HLA-DRA: variants seen among roughly 807,000 people sequenced by gnomAD.
HLA-DRA encodes the protein HLA class II histocompatibility antigen, DR alpha chain.
Under a neutral mutation model 22.1 loss-of-function variants are expected in HLA-DRA, and 8 were observed. The ratio of observed to expected loss-of-function variants is 0.36; its 90% confidence interval spans 0.21 to 0.65. The LOEUF (loss-of-function observed/expected upper bound fraction) is 0.65. HLA-DRA is among the 30% of genes least tolerant of loss of function. The pLI is 0.63. For missense variants in HLA-DRA, 248 were observed against 321.3 expected, an observed-to-expected ratio of 0.77 and a Z score of 1.74; for synonymous variants, 101 against 117.1, an observed-to-expected ratio of 0.86 and a Z score of 0.89.
chr6:32,443,975 A>G (rs1762783119), intron 4 of HLA-DRA, 54 bp downstream of exon 4: 26 of 1,327,988 alleles, frequency 2.0e-5, no homozygotes, highest in Non-Finnish European at 2.5e-5. Context: ...GAGGGAGGAA[A>G]ACAGGGTGGG....
rs879138868 is a variant in HLA-DRA at position 32,443,469 on chromosome 6, A to G, written c.610+3A>G. Reference sequence around the variant, plus strand: ...TGAGCCTCTTCTCAAGCACTGGGGTATGGACCAACACTCAATCTCCTTTAT... The same window carrying G: ...TGAGCCTCTTCTCAAGCACTGGGGTGTGGACCAACACTCAATCTCCTTTAT... On this transcript the variant is annotated splice_donor_region_variant and intron_variant, in intron 3 of 4. Transcript: ENST00000395388. 1 of 1,610,880 alleles carries G rather than the reference A, an allele frequency of 6.2e-7. No individual in the cohort carries two copies. Among genetic ancestry groups the G allele is most frequent in the Non-Finnish European group, 8.5e-7 (1 of 1,178,118 alleles).
intron 2 of HLA-DRA, 64 bp from the exon 3 acceptor site, chr6:32,443,121 A>G: frequency 7.2e-7 from 1 of 1,397,900 alleles, no homozygotes; most frequent in Non-Finnish European, 1.0e-6. Flanking sequence ...TGAGCATGGG[A>G]GGGAGAGGGG....
intron 1 of HLA-DRA, among the ~76,000 whole-genome samples, chr6:32,440,959 T>A (rs1235258396): frequency 6.6e-6 from 1 of 152,228 alleles, no homozygotes; most frequent in African/African-American, 2.4e-5. Flanking sequence ...AGACAGAGGA[T>A]CTTCCCTTGG....
rs1762835035 is a variant in HLA-DRA, at chr6:32,444,916, T to C, written c.*276T>C. 6.5e-6 allele frequency: 1 copy of C among 154,352 alleles called. No individual in the cohort carries two copies. The highest frequency in any genetic ancestry group is 2.4e-5 in the African/African-American group (1 of 41,510). 9.6% of individuals were successfully genotyped at this position (154,352 alleles called of 1,614,324 possible). On this transcript the variant is annotated 3_prime_UTR_variant, in exon 5 of 5. Coordinates refer to ENST00000395388, the MANE Select transcript of HLA-DRA (RefSeq NM_019111.5). ...TTATCACCATGCAATGCCTCTGGAA[T>C]AAAACATACAGGAGTCTGTCTCTGC...
intron 4 of HLA-DRA, 79 bp from the exon 5 acceptor site, chr6:32,444,573 A>G (rs1762815940): frequency 6.6e-6 from 1 of 152,212 alleles, no homozygotes; most frequent in Non-Finnish European, 1.5e-5. Context: ...AAGGATTAAG[A>G]GAGAAGAGGA....
chr6:32,444,612 GA>G (rs1762818023), intron 4 of HLA-DRA, 39 bp from the exon 5 acceptor site: 1 of 152,170 alleles, frequency 6.6e-6, no homozygotes, highest in Non-Finnish European at 1.5e-5. Context: ...GCTCAAAACT[GA>G]TCTTCAACTC....
chr6:32,442,384 G>C (rs529895736), intron 1 of HLA-DRA, 64 bp from the exon 2 acceptor site: 21 of 1,554,648 alleles, frequency 1.4e-5, no homozygotes, highest in Non-Finnish European at 1.8e-5. Context: ...ATGTATGTAG[G>C]TTATTCATTT....
rs145478419 is a variant in HLA-DRA, at chr6:32,441,086, C to T, written c.82+1054C>T. On this transcript the variant is annotated intron_variant, in intron 1 of 4. Coordinates refer to ENST00000395388, the MANE Select transcript of HLA-DRA (RefSeq NM_019111.5). ...TAAAATCTCTCATCTTGGCTGGGCA[C>T]GGTGGCTCACGCCTGTAATCCCAGC... 5.8e-3 allele frequency among the ~76,000 whole-genome samples: 879 copies of T among 152,278 alleles called. 10 individuals are homozygous for T. The highest frequency in any genetic ancestry group is 0.02 in the African/African-American group (834 of 41,550).
chr6:32,440,633 A>G (rs1762559595), intron 1 of HLA-DRA, among the ~76,000 whole-genome samples: 1 of 152,222 alleles, frequency 6.6e-6, no homozygotes, highest in African/African-American at 2.4e-5. Flanking sequence ...TGGGACAGTG[A>G]TAGCCATTCC....
chr6:32,444,737 C>G lies in HLA-DRA; in HGVS notation c.*97C>G, dbSNP rs1762823129. The G allele has an allele frequency of 6.6e-6, 1 of 152,228 alleles. No homozygotes were observed. Among genetic ancestry groups the G allele is most frequent in the Admixed American group, 6.5e-5 (1 of 15,274 alleles). The allele number at this position is 152,228 out of a possible 1,614,324, so 9.4% of individuals were successfully genotyped here. On this transcript the variant is annotated 3_prime_UTR_variant, in exon 5 of 5. Transcript: ENST00000395388. ...AGCTGGCAATATTACAATCCTTGAC[C>G]TCAGTGAAAGCAGTCATCTTCAGCA... is the stretch of plus-strand genomic sequence containing the variant.
chr6:32,441,046 T>C (rs1762583079), intron 1 of HLA-DRA, among the ~76,000 whole-genome samples: 1 of 152,226 alleles, frequency 6.6e-6, no homozygotes, highest in African/African-American at 2.4e-5. Flanking sequence ...GGTTTATCAA[T>C]ACACAGTCAA....
intron 1 of HLA-DRA, among the ~76,000 whole-genome samples, chr6:32,440,582 A>G (rs1406955551): frequency 1.3e-5 from 2 of 152,212 alleles, no homozygotes; most frequent in Admixed American, 6.5e-5. Context: ...AATTTACCCC[A>G]GGAAAAGGGG....
chr6:32,444,542 T>A (rs1341365219), intron 4 of HLA-DRA, 110 bp from the exon 5 acceptor site: 1 of 152,082 alleles, frequency 6.6e-6, no homozygotes, highest in Non-Finnish European at 1.5e-5. Flanking sequence ...AGATGAACAT[T>A]GAAAGAATTT....
chr6:32,443,289 A>T lies in HLA-DRA; in HGVS notation c.433A>T (p.Thr145Ser). Residue 145 changes from threonine to serine, a missense_variant, in exon 3 of 5, where the codon ACG becomes TCG. Coordinates refer to ENST00000395388, the MANE Select transcript of HLA-DRA (RefSeq NM_019111.5). ...GTTCACCCCACCAGTGGTCAATGTC[A>T]CGTGGCTTCGAAATGGAAAACCTGT... is the stretch of plus-strand genomic sequence containing the variant. ...DKFTPPVVNV[T>S]WLRNGKPVTT... 6.2e-7 allele frequency: 1 copy of T among 1,612,840 alleles called. No homozygotes were observed. The highest frequency in any genetic ancestry group is 8.5e-7 in the Non-Finnish European group (1 of 1,179,814).
chr6:32,443,889 A>G lies in HLA-DRA; in HGVS notation c.744A>G (p.Ala248=). ...IIKGLRKSNA[A]ERRGPL ...AGGGATTGCGCAAAAGCAATGCAGC[A>G]GAACGCAGGGGGCCTCTGTAAGGCA... Residue 248 remains alanine (A), a synonymous_variant, in exon 4 of 5, where the codon GCA becomes GCG. Transcript: ENST00000395388. 1.9e-6 allele frequency: 3 copies of G among 1,605,668 alleles called. No homozygotes were observed. Among genetic ancestry groups the G allele is most frequent in the Non-Finnish European group, 1.7e-6 (2 of 1,176,620 alleles).
rs146349593 is a variant in HLA-DRA, at chr6:32,440,072, G to A, written c.82+40G>A. 6.7e-5 allele frequency: 102 copies of A among 1,520,838 alleles called. No individual in the cohort carries two copies. The East Asian group carries it at 1.6e-3, about 24-fold the overall frequency. The allele number at this position is 1,520,838 out of a possible 1,614,324, so 94.2% of individuals were successfully genotyped here. ...AATGAAATCTGGGACGATAGACTAC[G>A]AAGCATTGGAGAAAAGACCTATGGA... On this transcript the variant is annotated intron_variant, in intron 1 of 4. Transcript: ENST00000395388.
chr6:32,440,303 G>A (rs1762536596), intron 1 of HLA-DRA, among the ~76,000 whole-genome samples: 1 of 137,226 alleles, frequency 7.3e-6, no homozygotes, highest in Non-Finnish European at 1.6e-5. Context: ...GTGGGGGTGG[G>A]GGTGGGGGAG....
intron 2 of HLA-DRA, 62 bp from the exon 3 acceptor site, chr6:32,443,123 G>C: frequency 7.1e-7 from 1 of 1,416,806 alleles, no homozygotes; most frequent in African/African-American, 1.4e-5. Flanking sequence ...AGCATGGGAG[G>C]GAGAGGGGTG....
At position 32,443,401 on chromosome 6, in the gene HLA-DRA, C is replaced by A; in HGVS notation, c.545C>A (p.Thr182Asn). 6.2e-7 allele frequency: 1 copy of A among 1,612,940 alleles called. No individual in the cohort carries two copies. The highest frequency in any genetic ancestry group is 8.5e-7 in the Non-Finnish European group (1 of 1,179,890). ...KFHYLPFLPS[T>N]EDVYDCRVEH... ...CACTATCTCCCCTTCCTGCCCTCAA[C>A]TGAGGACGTTTACGACTGCAGGGTG... The change falls in exon 3 of 5, where the codon ACT becomes AAT. Residue 182 changes from threonine to asparagine, a missense_variant. Transcript: ENST00000395388.
Sources: gnomAD v4.1 joint callset for allele counts (sites outside exome capture counted in the v4.1 genomes callset) on GRCh38, gnomAD v4.1.1 for gene constraint, MANE v1.5 for transcripts, NCBI Gene and HGNC (gene_info 2026-07-23, HGNC 2026-07-21) for gene names.